Variants in CSMD1 observed in about 807,000 individuals in gnomAD.
CSMD1 encodes CUB and Sushi multiple domains 1.
A neutral mutation model predicts 417.5 loss-of-function variants in CSMD1; 213 were observed. The observed-to-expected ratio is 0.51, with a 90% CI of 0.46 to 0.57. The LOEUF (loss-of-function observed/expected upper bound fraction) is 0.57. Among genes scored for constraint, CSMD1 ranks in the 20% least tolerant of loss-of-function variants. CSMD1 has a pLI of 0.00. For synonymous variants in CSMD1, 2,862 were observed against 1,736.8 expected, an observed-to-expected ratio of 1.65 and a Z score of -16.11; for missense variants, 6,923 against 4,529.7, an observed-to-expected ratio of 1.53 and a Z score of -15.17.
chr8:3,378,834 CA>C (rs1810468191), intron 18 of CSMD1, among the ~76,000 whole-genome samples: 2 of 152,126 alleles, frequency 1.3e-5, no homozygotes. Flanking sequence ...TGAAAACTGG[CA>C]AAAGACAAGG....
At chr8:4,220,392 A>G (rs565154693) in intron 3 of CSMD1, among the ~76,000 whole-genome samples, 1 of 152,230 alleles carries the variant, frequency 6.6e-6, no homozygotes, top group Non-Finnish European at 1.5e-5. Flanking sequence ...AGAGGCCTCT[A>G]GACAACGGTT....
rs578090734 is a variant in CSMD1 at position 4,428,582 on chromosome 8, T to C, written c.303-8517A>G. Among the ~76,000 whole-genome samples, 42 of 152,312 alleles carry C rather than the reference T, an allele frequency of 2.8e-4. 2 individuals carry two copies. In the South Asian group the frequency reaches 8.5e-3, roughly 31 times the overall value. ...TACAATAAACTTGCAACTTACCTTA[T>C]GACACTTTCAGTAATACTAGATGTG... is the stretch of plus-strand genomic sequence containing the variant. On this transcript the variant is annotated intron_variant, in intron 2 of 69. Transcript: ENST00000635120.
intron 5 of CSMD1, among the ~76,000 whole-genome samples, chr8:3,863,181 G>C (rs1165557001): frequency 6.6e-6 from 1 of 152,078 alleles, no homozygotes; most frequent in East Asian, 1.9e-4. Flanking sequence ...GGGATTACTT[G>C]AGGTCAGGAG....
rs115642055 is a variant in CSMD1 at position 4,650,535 on chromosome 8, C to T, written c.86-12977G>A. 7.2e-3 allele frequency among the ~76,000 whole-genome samples: 1,090 copies of T among 151,914 alleles called. 8 individuals are homozygous for T. Among genetic ancestry groups the T allele is most frequent in the African/African-American group, 0.024 (1,004 of 41,416 alleles). ...TGCCTCTTATTTTAGCTTGGTTTTGCGACGTGATGCTTCTGCAGAAACAAC... is the reference window on the plus strand; with the variant it reads ...TGCCTCTTATTTTAGCTTGGTTTTGTGACGTGATGCTTCTGCAGAAACAAC... On this transcript the variant is annotated intron_variant, in intron 1 of 69. Transcript: ENST00000635120.
intron 5 of CSMD1, among the ~76,000 whole-genome samples, chr8:3,889,320 G>C (rs1476997507): frequency 1.3e-5 from 2 of 151,180 alleles, no homozygotes. Context: ...AAGAAGAAGA[G>C]ACGATAATCT....
rs1430531654 is a variant in CSMD1, at chr8:3,841,055, C to A, written c.819-87013G>T. On this transcript the variant is annotated intron_variant, in intron 5 of 69. Transcript: ENST00000635120. The stretch of plus-strand genomic sequence containing the variant: ...TGAGTCTTAGGGCAAAATTCCAGGA[C>A]AAACACTAAACTACACTGATTGATG... Among the ~76,000 whole-genome samples, 4 of 152,106 alleles carry A rather than the reference C, an allele frequency of 2.6e-5. No homozygotes were observed. In the East Asian group the frequency reaches 7.7e-4, roughly 29 times the overall value.
chr8:4,826,027 A>T (rs1186855780), intron 1 of CSMD1, among the ~76,000 whole-genome samples: 1 of 152,000 alleles, frequency 6.6e-6, no homozygotes, highest in Non-Finnish European at 1.5e-5. Flanking sequence ...ACCCTTTTTC[A>T]CTGTCCATTG....
At chr8:3,364,333 G>C (rs764380750) in intron 20 of CSMD1, among the ~76,000 whole-genome samples, 1 of 152,104 alleles carries the variant, frequency 6.6e-6, no homozygotes, top group African/African-American at 2.4e-5. Context: ...CTTTCTGCTT[G>C]TGTGCAACTG....
chr8:4,068,977 A>C (rs778482117), intron 3 of CSMD1, among the ~76,000 whole-genome samples: 3 of 152,214 alleles, frequency 2.0e-5, no homozygotes, highest in Non-Finnish European at 4.4e-5. Flanking sequence ...CCTTTGTTCA[A>C]ACGTTGAATG....
chr8:3,249,182 T>C (rs1180679590), intron 26 of CSMD1, among the ~76,000 whole-genome samples: 1 of 152,230 alleles, frequency 6.6e-6, no homozygotes, highest in African/African-American at 2.4e-5. Context: ...TAACAAACGA[T>C]ATGAAGAATC....
At chr8:4,459,414 C>G (rs934761196) in intron 2 of CSMD1, among the ~76,000 whole-genome samples, 1 of 152,216 alleles carries the variant, frequency 6.6e-6, no homozygotes, top group Non-Finnish European at 1.5e-5. Flanking sequence ...GAGAGTGTCT[C>G]TGCCCCACGT....
At chr8:4,454,796 C>T (rs1459186685) in intron 2 of CSMD1, among the ~76,000 whole-genome samples, 1 of 152,182 alleles carries the variant, frequency 6.6e-6, no homozygotes, top group Admixed American at 6.5e-5. Context: ...TAAGCTACAA[C>T]TAGAAGTGAA....
intron 12 of CSMD1, among the ~76,000 whole-genome samples, chr8:3,442,008 A>C (rs2117065319): frequency 6.6e-6 from 1 of 152,134 alleles, no homozygotes; most frequent in South Asian, 2.1e-4. Context: ...TGTAGGCCTA[A>C]GCTATGTTTT....
intron 52 of CSMD1, among the ~76,000 whole-genome samples, chr8:3,015,314 A>G (rs886501325): frequency 2.6e-5 from 4 of 152,116 alleles, no homozygotes; most frequent in African/African-American, 9.7e-5. Context: ...TTGCTTGAAA[A>G]TTGAATTTCT....
rs190283087 is a variant in CSMD1 at position 4,427,578 on chromosome 8, C to T, written c.303-7513G>A. On this transcript the variant is annotated intron_variant, in intron 2 of 69. Transcript: ENST00000635120. ...ATACATCTTACCAGATTAAAATGTC[C>T]GCCATCATTTGGAGAGAGACTCGAA... 3.9e-4 allele frequency among the ~76,000 whole-genome samples: 60 copies of T among 152,074 alleles called. 1 individual carries two copies. The East Asian group carries it at 7.4e-3, about 19-fold the overall frequency.
chr8:4,838,532 A>C (rs1048179004), intron 1 of CSMD1, among the ~76,000 whole-genome samples: 11 of 152,156 alleles, frequency 7.2e-5, no homozygotes, highest in Non-Finnish European at 1.5e-4. Flanking sequence ...CAAAGCATTT[A>C]CTCCGCTTTT....
At chr8:4,286,736 G>A (rs77633798) in intron 3 of CSMD1, among the ~76,000 whole-genome samples, 1 of 152,142 alleles carries the variant, frequency 6.6e-6, no homozygotes, top group Admixed American at 6.6e-5. Flanking sequence ...AGACTCCCCA[G>A]CATCTGATGC....
At chr8:3,134,974 A>T (rs564982546) in intron 41 of CSMD1, among the ~76,000 whole-genome samples, 30 of 152,210 alleles carry the variant, frequency 2.0e-4, no homozygotes, top group African/African-American at 6.5e-4. Context: ...CCCAGGCTGG[A>T]GTGCAGTGAT....
chr8:4,647,820 T>C (rs1271930815), intron 1 of CSMD1, among the ~76,000 whole-genome samples: 1 of 152,250 alleles, frequency 6.6e-6, no homozygotes, highest in Admixed American at 6.5e-5. Context: ...CTATCACTGA[T>C]GGGCGTTTGG....
Sources: gnomAD v4.1 joint callset for allele counts (sites outside exome capture counted in the v4.1 genomes callset) on GRCh38, gnomAD v4.1.1 for gene constraint, MANE v1.5 for transcripts, NCBI Gene and HGNC (gene_info 2026-07-23, HGNC 2026-07-21) for gene names.